UST: variants seen among roughly 807,000 people sequenced by gnomAD.
UST encodes chondroitin sulfate 2-O-sulfotransferase.
A neutral mutation model predicts 45.6 loss-of-function variants in UST; 21 were observed. The observed-to-expected ratio is 0.46, with a 90% confidence interval of 0.33 to 0.66. The LOEUF is 0.66. Among genes scored for constraint, UST ranks in the 30% least tolerant of loss-of-function variants. The pLI is 0.02. For missense variants in UST, 463 were observed against 512.4 expected (o/e 0.90, Z 0.93); for synonymous variants, 215 against 200.6 (o/e 1.07, Z -0.61).
At chr6:148,814,089 G>A (rs190777891) in intron 1 of UST, among the ~76,000 whole-genome samples, 1 of 152,144 alleles carries the variant, frequency 6.6e-6, no homozygotes, top group Admixed American at 6.5e-5. Flanking sequence ...TCCATGTTAT[G>A]GGCGCTCAAT....
At chr6:148,913,810 A>T (rs1055696785) in intron 2 of UST, among the ~76,000 whole-genome samples, 7 of 152,308 alleles carry the variant, frequency 4.6e-5, no homozygotes, top group Non-Finnish European at 7.4e-5. Context: ...TTGTCTTTAA[A>T]TTTTTTTAAA....
chr6:148,839,282 A>G (rs887241903), intron 1 of UST, among the ~76,000 whole-genome samples: 1 of 152,216 alleles, frequency 6.6e-6, no homozygotes, highest in Non-Finnish European at 1.5e-5. Context: ...CTGAGTCAGC[A>G]TAATCAGGAA....
At chr6:148,804,838 A>G (rs1777117047) in intron 1 of UST, among the ~76,000 whole-genome samples, 1 of 149,850 alleles carries the variant, frequency 6.7e-6, no homozygotes, top group South Asian at 2.1e-4. Context: ...AAATATATAT[A>G]TACTTCATTT....
At chr6:149,056,051 AT>A (rs1776557733) in intron 7 of UST, among the ~76,000 whole-genome samples, 1 of 147,846 alleles carries the variant, frequency 6.8e-6, no homozygotes, top group Non-Finnish European at 1.5e-5. Context: ...TGTCTATAAC[AT>A]TTTTATAGTA....
At chr6:148,901,457 A>G (rs1194990355) in intron 2 of UST, among the ~76,000 whole-genome samples, 3 of 152,022 alleles carry the variant, frequency 2.0e-5, no homozygotes, top group Non-Finnish European at 4.4e-5. Flanking sequence ...CCGTCTCAAC[A>G]CAGGACCTCC....
At chr6:148,950,310 C>T (rs780282858) in intron 3 of UST, among the ~76,000 whole-genome samples, 1 of 152,198 alleles carries the variant, frequency 6.6e-6, no homozygotes, top group Non-Finnish European at 1.5e-5. Context: ...AAAACCACGA[C>T]CTCAGTTCAT....
At chr6:148,780,809 C>A (rs567591044) in intron 1 of UST, among the ~76,000 whole-genome samples, 2 of 152,070 alleles carry the variant, frequency 1.3e-5, no homozygotes, top group Non-Finnish European at 2.9e-5. Context: ...GCAATATTTT[C>A]AACTTTTTCA....
At chr6:148,987,853 A>T (rs1035095897) in intron 5 of UST, among the ~76,000 whole-genome samples, 3 of 152,120 alleles carry the variant, frequency 2.0e-5, no homozygotes, top group African/African-American at 7.2e-5. Flanking sequence ...GCTTTCATTC[A>T]TCAGACGTGT....
intron 7 of UST, among the ~76,000 whole-genome samples, chr6:149,060,277 G>T (rs1407010962): frequency 6.6e-6 from 1 of 152,052 alleles, no homozygotes; most frequent in East Asian, 1.9e-4. Context: ...TCAACCCTCA[G>T]CACCAAGGCA....
intron 3 of UST, among the ~76,000 whole-genome samples, chr6:148,944,145 G>A (rs1206903331): frequency 1.3e-5 from 2 of 152,120 alleles, no homozygotes; most frequent in African/African-American, 4.8e-5. Flanking sequence ...AATGAAGGGG[G>A]AAATGGTTTA....
At position 148,814,598 on chromosome 6, in the gene UST, T is replaced by G. The variant is rs570724066; in HGVS notation, c.247+66921T>G. The stretch of plus-strand genomic sequence containing the variant: ...TTATGGCTCTGTAAGCTCTTAACCC[T>G]GCAGCTGACCCAGTCAGCTTCTGGC... On this transcript the variant is annotated intron_variant, in intron 1 of 7. Transcript: ENST00000367463. 1.2e-4 allele frequency among the ~76,000 whole-genome samples: 18 copies of G among 152,286 alleles called. No homozygotes were observed. The East Asian group carries it at 2.5e-3, about 21-fold the overall frequency.
chr6:149,064,236 G>C lies in UST; in HGVS notation c.938-9597G>C, dbSNP rs377289217. 2.6e-5 allele frequency among the ~76,000 whole-genome samples: 4 copies of C among 152,196 alleles called. No individual in the cohort carries two copies. The South Asian group carries it at 8.3e-4, about 32-fold the overall frequency. ...GACTGTGAGCTCCATCCACTCGTCA[G>C]CAATGTGGAGAGTTAAGAACCTGGG... is the stretch of plus-strand genomic sequence containing the variant. On this transcript the variant is annotated intron_variant, in intron 7 of 7. Coordinates refer to ENST00000367463, the MANE Select transcript of UST (RefSeq NM_005715.3).
At chr6:148,889,816 G>A (rs1472785038) in intron 2 of UST, among the ~76,000 whole-genome samples, 1 of 152,004 alleles carries the variant, frequency 6.6e-6, no homozygotes, top group Admixed American at 6.6e-5. Flanking sequence ...GCCTAGATTC[G>A]GTGTTGGCTG....
chr6:148,875,646 A>C (rs1707864017), intron 1 of UST, among the ~76,000 whole-genome samples: 1 of 152,212 alleles, frequency 6.6e-6, no homozygotes, highest in Non-Finnish European at 1.5e-5. Flanking sequence ...TCTACTAAAA[A>C]TACAAAAATT....
chr6:148,843,225 C>T (rs992541135), intron 1 of UST, among the ~76,000 whole-genome samples: 8 of 152,248 alleles, frequency 5.3e-5, no homozygotes, highest in Admixed American at 1.3e-4. Context: ...TTACATTAGA[C>T]AGCAAAGGCC....
At chr6:148,931,842 C>G (rs9390639) in intron 2 of UST, among the ~76,000 whole-genome samples, 51,502 of 152,060 alleles carry the variant, frequency 0.34, 8,840 homozygotes, top group South Asian at 0.45. Context: ...AGTTGAAAGG[C>G]CTCTTAGAAG....
At chr6:148,915,059 C>CT (rs535009254) in intron 2 of UST, among the ~76,000 whole-genome samples, 4 of 152,082 alleles carry the variant, frequency 2.6e-5, no homozygotes, top group South Asian at 2.1e-4. Flanking sequence ...TCTCTGGGGT[C>CT]TTTTTTTATA....
At chr6:149,036,083 C>T (rs1198761098) in intron 7 of UST, among the ~76,000 whole-genome samples, 1 of 152,154 alleles carries the variant, frequency 6.6e-6, no homozygotes, top group Non-Finnish European at 1.5e-5. Context: ...GGATTTTAGC[C>T]CATACCTCTC....
At chr6:149,040,840 C>G (rs1196904314) in intron 7 of UST, among the ~76,000 whole-genome samples, 1 of 152,106 alleles carries the variant, frequency 6.6e-6, no homozygotes, top group African/African-American at 2.4e-5. Context: ...AAGGCCTCTC[C>G]TTACTGGTTT....
Sources: allele counts gnomAD v4.1 joint callset (sites outside exome capture counted in the v4.1 genomes callset), GRCh38; gene constraint gnomAD v4.1.1; transcripts MANE v1.5; gene names NCBI Gene and HGNC (gene_info 2026-07-23, HGNC 2026-07-21).